PLXDC1: variants seen among roughly 807,000 people sequenced by gnomAD.
The protein encoded by PLXDC1 is plexin domain containing 1.
Under a neutral mutation model 61.3 loss-of-function variants are expected in PLXDC1, and 39 were observed. The ratio of observed to expected loss-of-function variants is 0.64; its 90% CI spans 0.49 to 0.83. PLXDC1 has a LOEUF of 0.83. PLXDC1 is among the 40% of genes least tolerant of loss of function. The pLI is 0.00. For synonymous variants in PLXDC1, 212 were observed against 254.5 expected (o/e 0.83, Z 1.59); for missense variants, 596 against 666.5 (o/e 0.89, Z 1.17).
At chr17:39,091,314 C>T (rs1192035269) in intron 7 of PLXDC1, among the ~76,000 whole-genome samples, 1 of 118,854 alleles carries the variant, frequency 8.4e-6, no homozygotes. Flanking sequence ...CTCCCCGCAA[C>T]ACACACCCAC....
At chr17:39,096,510 C>T (rs1243158288) in intron 7 of PLXDC1, among the ~76,000 whole-genome samples, 1 of 152,226 alleles carries the variant, frequency 6.6e-6, no homozygotes, top group Non-Finnish European at 1.5e-5. Flanking sequence ...CTGTAGCCTG[C>T]TCTGGGACCC....
chr17:39,121,406 C>T (rs879691742), intron 2 of PLXDC1, among the ~76,000 whole-genome samples: 12 of 152,192 alleles, frequency 7.9e-5, no homozygotes, highest in African/African-American at 2.2e-4. Flanking sequence ...AGGCTGCAAT[C>T]GCTCATAGAG....
At chr17:39,090,410 C>A (rs1909902826) in intron 7 of PLXDC1, among the ~76,000 whole-genome samples, 1 of 152,188 alleles carries the variant, frequency 6.6e-6, no homozygotes, top group Non-Finnish European at 1.5e-5. Context: ...TACCCACAGG[C>A]CAGATGCTGC....
chr17:39,083,492 G>T lies in PLXDC1; in HGVS notation c.956C>A (p.Thr319Asn), dbSNP rs1318118512. ...SCDACMSSDL[T>N]FNCSWCHVLQ... ...GACATGGCACCAGCTGCAGTTGAAGGTCAGGTCTGAGGACATGCAGGCGTC... is the reference window on the plus strand; with the variant it reads ...GACATGGCACCAGCTGCAGTTGAAGTTCAGGTCTGAGGACATGCAGGCGTC... The change falls in exon 9 of 14, where the codon ACC becomes AAC. Residue 319 changes from threonine (T) to asparagine (N), a missense_variant. Thr to Asn is a moderately conservative substitution (Grantham distance 65). Transcript: ENST00000315392. 1.6e-5 allele frequency: 26 copies of T among 1,613,856 alleles called. No homozygotes were observed. Among genetic ancestry groups the T allele is most frequent in the Non-Finnish European group, 2.1e-5 (25 of 1,179,934 alleles).
In PLXDC1 at chr17:39,079,030, G is replaced by T. The variant is rs1036992093; in HGVS notation, c.1050+74C>A. 2.5e-5 allele frequency: 30 copies of T among 1,182,934 alleles called. No homozygotes were observed. In the African/African-American group the frequency reaches 3.9e-4, roughly 15 times the overall value. 73.3% of individuals were successfully genotyped at this position (1,182,934 alleles called of 1,614,324 possible). On this transcript the variant is annotated intron_variant, in intron 10 of 13. Transcript: ENST00000315392. ...GCCACCTTGAGAAGAGTTTCCAGGG[G>T]CAGGCCCTACTGGCTGCCCTCCTGT...
chr17:39,151,316 C>T lies in PLXDC1; in HGVS notation c.76+46G>A. On this transcript the variant is annotated intron_variant, in intron 1 of 13. Transcript: ENST00000315392. This position sits in a 1 kb window ranked among gnomAD's most constrained non-coding sequence, Gnocchi z 5.2. ...CCCATGCCCACACCTGACTGCCCGTCCCTCCCCGCCCCCGGCCCACCCGGG... is the reference window on the plus strand; with the variant it reads ...CCCATGCCCACACCTGACTGCCCGTTCCTCCCCGCCCCCGGCCCACCCGGG... 1 of 1,249,452 alleles carries T rather than the reference C, an allele frequency of 8.0e-7. No homozygotes were observed. The highest frequency in any genetic ancestry group is 1.0e-6 in the Non-Finnish European group (1 of 990,690). 77.4% of individuals were successfully genotyped at this position (1,249,452 alleles called of 1,614,324 possible).
At chr17:39,141,288 C>T (rs2098206019) in intron 1 of PLXDC1, among the ~76,000 whole-genome samples, 1 of 152,234 alleles carries the variant, frequency 6.6e-6, no homozygotes, top group African/African-American at 2.4e-5. Context: ...CCTGCCTTGG[C>T]TCCCAAGGTG....
At chr17:39,105,132 G>A (rs764712388) in intron 7 of PLXDC1, among the ~76,000 whole-genome samples, 6 of 152,124 alleles carry the variant, frequency 3.9e-5, no homozygotes, top group Non-Finnish European at 8.8e-5. Context: ...CAGACCTCCC[G>A]GGGTCCTACA....
chr17:39,098,278 G>C (rs998233876), intron 7 of PLXDC1, among the ~76,000 whole-genome samples: 4 of 148,412 alleles, frequency 2.7e-5, no homozygotes, highest in Non-Finnish European at 4.5e-5. Context: ...TTTTATGCTT[G>C]TTCCCGTAAG....
At chr17:39,152,500 G>A (rs1213854459), upstream of PLXDC1, 4 of 1,226,882 alleles carry the variant, frequency 3.3e-6, no homozygotes, top group African/African-American at 1.6e-5. Context: ...AGACGGCAAG[G>A]AATCAGGTCA....
chr17:39,107,321 GC>G, intron 6 of PLXDC1, 85 bp downstream of exon 6: 1 of 805,538 alleles, frequency 1.2e-6, no homozygotes, highest in Non-Finnish European at 2.0e-6. Context: ...CAAGCCCCAT[GC>G]CTGGCACATT....
intron 5 of PLXDC1, 107 bp downstream of exon 5, chr17:39,108,016 C>T: frequency 7.1e-7 from 1 of 1,412,232 alleles, no homozygotes; most frequent in Non-Finnish European, 9.9e-7. Context: ...GGCTGCTTTG[C>T]CGTGGGACTG....
intron 7 of PLXDC1, among the ~76,000 whole-genome samples, chr17:39,103,942 A>G (rs1396104807): frequency 2.6e-5 from 4 of 152,258 alleles, no homozygotes; most frequent in South Asian, 2.1e-4. Flanking sequence ...CTGCGCCACT[A>G]TAGCATGTGA....
chr17:39,136,288 C>A (rs1440871340), intron 2 of PLXDC1, among the ~76,000 whole-genome samples: 1 of 152,114 alleles, frequency 6.6e-6, no homozygotes, highest in East Asian at 1.9e-4. Flanking sequence ...AGGCACCTAC[C>A]TGGGGTACAA....
chr17:39,088,009 A>G (rs1032613097), intron 7 of PLXDC1, among the ~76,000 whole-genome samples: 4 of 152,110 alleles, frequency 2.6e-5, no homozygotes, highest in Non-Finnish European at 5.9e-5. Context: ...CCCTGACCCA[A>G]GATGTTCTTC....
At chr17:39,084,273 G>A (rs190844284) in intron 8 of PLXDC1, among the ~76,000 whole-genome samples, 5 of 152,296 alleles carry the variant, frequency 3.3e-5, no homozygotes, top group Non-Finnish European at 7.3e-5. Flanking sequence ...GAGGACTGTA[G>A]GTAATAAAAT....
At chr17:39,077,515 G>A (rs2143325284) in intron 11 of PLXDC1, among the ~76,000 whole-genome samples, 2 of 152,330 alleles carry the variant, frequency 1.3e-5, no homozygotes, top group South Asian at 4.1e-4. Context: ...TCTCACGCCT[G>A]AGTGTATGGA....
Position 39,151,561 on chromosome 17 carries a change from G to C in PLXDC1, c.-124C>G, listed in dbSNP as rs2045372960. On this transcript the variant is annotated 5_prime_UTR_variant, in exon 1 of 14. Transcript: ENST00000315392. The surrounding 1 kb of genome is among the most constrained non-coding windows in gnomAD (Gnocchi z 5.2). ...GCGGAGGGGCGGGCGGCGAGGAGAC[G>C]GCGGAGCGCGGGGCCGGGCGAGCCG... is the stretch of plus-strand genomic sequence containing the variant. 1.7e-5 allele frequency: 20 copies of C among 1,200,418 alleles called. No individual in the cohort carries two copies. The South Asian group carries it at 4.6e-4, about 27-fold the overall frequency. The allele number at this position is 1,200,418 out of a possible 1,614,324, so 74.4% of individuals were successfully genotyped here.
At chr17:39,068,230 A>C (rs577668240) in intron 13 of PLXDC1, among the ~76,000 whole-genome samples, 2 of 152,244 alleles carry the variant, frequency 1.3e-5, no homozygotes, top group Non-Finnish European at 2.9e-5. Context: ...CTCACAGCTG[A>C]AAGGTTCAGC....
Sources: gnomAD v4.1 joint callset for allele counts (sites outside exome capture counted in the v4.1 genomes callset) on GRCh38, gnomAD v4.1.1 for gene constraint, Gnocchi (gnomAD v3.1) non-coding constraint, MANE v1.5 for transcripts, NCBI Gene and HGNC (gene_info 2026-07-23, HGNC 2026-07-21) for gene names.